The following TXNRD1 variants were observed in gnomAD, a reference collection of about 807,000 sequenced individuals.
The protein encoded by TXNRD1 is thioredoxin reductase 1.
Under a neutral mutation model 80.3 loss-of-function variants are expected in TXNRD1, and 57 were observed. The ratio of observed to expected loss-of-function variants is 0.71; its 90% CI spans 0.57 to 0.89. TXNRD1 has a LOEUF of 0.89. Ranked by LOEUF, TXNRD1 falls within the 40% of genes least tolerant of loss-of-function variation. The pLI is 0.00. For missense variants in TXNRD1, 730 were observed against 803.0 expected (o/e 0.91, Z 1.10); for synonymous variants, 291 against 285.2 (o/e 1.02, Z -0.20).
chr12:104,294,861 C>T (rs2034385746), intron 4 of TXNRD1, among the ~76,000 whole-genome samples: 1 of 152,240 alleles, frequency 6.6e-6, no homozygotes, highest in East Asian at 1.9e-4. Flanking sequence ...TTGAATAACT[C>T]TCCAACCATC....
chr12:104,312,291 G>A (rs934417802), intron 5 of TXNRD1, among the ~76,000 whole-genome samples: 1 of 152,304 alleles, frequency 6.6e-6, no homozygotes, highest in South Asian at 2.1e-4. Context: ...TATAAATAAA[G>A]AAGGTTAGGA....
At chr12:104,285,280 G>A (rs2033946794) in intron 3 of TXNRD1, among the ~76,000 whole-genome samples, 2 of 152,186 alleles carry the variant, frequency 1.3e-5, no homozygotes, top group South Asian at 4.1e-4. Flanking sequence ...TAGAACTAAG[G>A]AGTTTTTCCT....
At chr12:104,232,600 A>G (rs947424507) in intron 1 of TXNRD1, among the ~76,000 whole-genome samples, 3 of 152,016 alleles carry the variant, frequency 2.0e-5, no homozygotes, top group Non-Finnish European at 4.4e-5. Context: ...ACAGGTTAGG[A>G]ACCCTGTGCG....
intron 16 of TXNRD1, among the ~76,000 whole-genome samples, chr12:104,346,786 A>G (rs1241893051): frequency 2.0e-5 from 3 of 152,120 alleles, no homozygotes; most frequent in Non-Finnish European, 4.4e-5. Context: ...TGTTTTTTCT[A>G]TAATGAGTAT....
intron 4 of TXNRD1, chr12:104,304,575 C>G (rs1019746769): frequency 8.1e-6 from 13 of 1,613,988 alleles, no homozygotes; most frequent in African/African-American, 4.0e-5. Context: ...AGTAGTTATC[C>G]AGAAGCGACA....
intron 10 of TXNRD1, among the ~76,000 whole-genome samples, chr12:104,323,010 C>A (rs566411586): frequency 7.7e-6 from 1 of 129,084 alleles, no homozygotes; most frequent in Non-Finnish European, 1.6e-5. Flanking sequence ...TGACTCTTAA[C>A]GAGCATGCTG....
In TXNRD1 at chr12:104,348,380, C is replaced by T. The variant is rs1015208925; in HGVS notation, c.1909C>T (p.Arg637Cys). 1 of 1,613,886 alleles carries T rather than the reference C, an allele frequency of 6.2e-7. No individual in the cohort carries two copies. Among genetic ancestry groups the T allele is most frequent in the Non-Finnish European group, 8.5e-7 (1 of 1,179,886 alleles). The part of the protein sequence containing the change: ...EVFTTLSVTK[R>C]SGASILQAGC... ...ATTCACAACATTGTCTGTGACCAAG[C>T]GCTCTGGGGCAAGCATCCTCCAGGC... The change falls in exon 17 of 17, where the codon CGC (arginine) becomes TGC (cysteine). Residue 637 changes from arginine to cysteine, a missense_variant. Transcript: ENST00000525566.
intron 3 of TXNRD1, among the ~76,000 whole-genome samples, chr12:104,281,211 A>G (rs2033868808): frequency 6.6e-6 from 1 of 152,106 alleles, no homozygotes; most frequent in Non-Finnish European, 1.5e-5. Flanking sequence ...CCAGAAATCT[A>G]GCGTTATCAT....
rs1279381744 is a variant in TXNRD1 at position 104,348,613 on chromosome 12, G to A, written c.*192G>A. 6 of 570,918 alleles carry A rather than the reference G, an allele frequency of 1.1e-5. No individual in the cohort carries two copies. The South Asian group carries it at 1.1e-4, about 10-fold the overall frequency. The allele number at this position is 570,918 out of a possible 1,614,324, so 35.4% of individuals were successfully genotyped here. ...AGAAGGCAGGCAGCATCACACTGGG[G>A]TCACTGACAGACTTGAAGCTGACAT... On this transcript the variant is annotated 3_prime_UTR_variant, in exon 17 of 17. Coordinates refer to ENST00000525566, the MANE Select transcript of TXNRD1 (RefSeq NM_001093771.3).
At chr12:104,240,612 T>C (rs1020279208) in intron 1 of TXNRD1, among the ~76,000 whole-genome samples, 3 of 152,248 alleles carry the variant, frequency 2.0e-5, no homozygotes, top group African/African-American at 7.2e-5. Context: ...TATGTGTTTA[T>C]ATGAAGGATC....
intron 13 of TXNRD1, among the ~76,000 whole-genome samples, chr12:104,331,056 A>C (rs2035931296): frequency 6.6e-6 from 1 of 151,972 alleles, no homozygotes; most frequent in Admixed American, 6.6e-5. Context: ...GTTAAATTAT[A>C]ATATCTATAA....
intron 4 of TXNRD1, among the ~76,000 whole-genome samples, chr12:104,297,821 G>A (rs966457087): frequency 5.3e-5 from 8 of 152,132 alleles, no homozygotes; most frequent in Admixed American, 1.3e-4. Context: ...GCATCCTTTA[G>A]TAGCCACATA....
intron 2 of TXNRD1, among the ~76,000 whole-genome samples, chr12:104,256,365 A>G (rs1389440651): frequency 2.6e-5 from 4 of 152,222 alleles, no homozygotes; most frequent in Non-Finnish European, 4.4e-5. Context: ...TAAAGTGCAA[A>G]GATAATCCCT....
chr12:104,348,288 A>G (rs1022171622), intron 16 of TXNRD1, 65 bp from the exon 17 acceptor site: 211 of 1,504,416 alleles, frequency 1.4e-4, no homozygotes, highest in Non-Finnish European at 1.9e-4. Context: ...GCATTATCTG[A>G]ACTGTTCCCT....
chr12:104,252,662 T>TATATATATATATATATATATA lies in TXNRD1; in HGVS notation c.243+984_243+985insATATATATATATATATATATA, dbSNP rs756948232. Reference sequence around the variant, plus strand: ...CACTGAGAGGTTAATTTATTATTTTTTATATATATATATATATATATATAT... The same window carrying TATATATATATATATATATATA: ...CACTGAGAGGTTAATTTATTATTTTTATATATATATATATATATATATATATATATATATATATATATATAT... On this transcript the variant is annotated intron_variant, in intron 2 of 16. Coordinates refer to ENST00000525566, the MANE Select transcript of TXNRD1 (RefSeq NM_001093771.3). Among the ~76,000 whole-genome samples the TATATATATATATATATATATA allele has an allele frequency of 7.4e-4, 34 of 45,804 alleles. 1 individual carries two copies. The highest frequency in any genetic ancestry group is 1.1e-3 in the African/African-American group (13 of 11,728). The allele number at this position is 45,804 out of a possible 152,430, so 30.0% of individuals were successfully genotyped here. A position where few individuals can be genotyped will look rare whatever the true frequency, so the allele number is the denominator to read the frequency against.
At chr12:104,278,847 C>G (rs1401168721) in intron 3 of TXNRD1, among the ~76,000 whole-genome samples, 3 of 152,164 alleles carry the variant, frequency 2.0e-5, no homozygotes, top group African/African-American at 7.2e-5. Context: ...AAACTGAGGA[C>G]CCCCTAACAT....
At chr12:104,247,413 G>A (rs904074954) in intron 1 of TXNRD1, among the ~76,000 whole-genome samples, 2 of 152,112 alleles carry the variant, frequency 1.3e-5, no homozygotes, top group Non-Finnish European at 2.9e-5. Flanking sequence ...GTTCTGTGCT[G>A]TTCCTGCAAC....
intron 4 of TXNRD1, chr12:104,303,699 T>G: frequency 3.3e-6 from 2 of 608,128 alleles, no homozygotes; most frequent in Non-Finnish European, 5.3e-6. Flanking sequence ...CCGCGGAGCG[T>G]GCTGGGGGCG....
chr12:104,310,267 A>G (rs1301384166), intron 4 of TXNRD1, among the ~76,000 whole-genome samples: 2 of 151,814 alleles, frequency 1.3e-5, no homozygotes, highest in African/African-American at 4.8e-5. Flanking sequence ...CTCCTGCCTC[A>G]GCCTCCGGAG....
Sources: allele counts gnomAD v4.1 joint callset (sites outside exome capture counted in the v4.1 genomes callset), GRCh38; gene constraint gnomAD v4.1.1; transcripts MANE v1.5; gene names NCBI Gene and HGNC (gene_info 2026-07-23, HGNC 2026-07-21).